The following ATP6V0A2 variants were observed in gnomAD, a reference collection of about 807,000 sequenced individuals.
ATP6V0A2 encodes V-type proton ATPase 116 kDa subunit a 2.
ATP6V0A2 carries 58 observed loss-of-function variants against 104.4 expected under a neutral mutation model. The observed-to-expected ratio is 0.56, with a 90% CI of 0.45 to 0.69. ATP6V0A2 has a LOEUF of 0.69. Ranked by LOEUF, ATP6V0A2 falls within the 30% of genes least tolerant of loss-of-function variation. The probability of loss-of-function intolerance (pLI) is 0.00; values close to 1 mark genes in which losing one functional copy is unlikely to be tolerated. For missense variants in ATP6V0A2, 938 were observed against 1,062.9 expected, an observed-to-expected ratio of 0.88 and a Z score of 1.63; for synonymous variants, 376 against 397.9, an observed-to-expected ratio of 0.95 and a Z score of 0.65.
Position 123,759,724 on chromosome 12 carries a change from G to C in ATP6V0A2, c.*1692G>C, listed in dbSNP as rs1210301176. 1.3e-5 allele frequency: 2 copies of C among 152,166 alleles called. No individual in the cohort carries two copies. The highest frequency in any genetic ancestry group is 2.9e-5 in the Non-Finnish European group (2 of 68,026). The allele number at this position is 152,166 out of a possible 1,614,324, so 9.4% of individuals were successfully genotyped here. ...GTGCTGAGTTTAACGTGGCTGTGCAGCTGATTTCAAGGCATGAGCTGAACA... is the reference window on the plus strand; with the variant it reads ...GTGCTGAGTTTAACGTGGCTGTGCACCTGATTTCAAGGCATGAGCTGAACA... On this transcript the variant is annotated 3_prime_UTR_variant, in exon 20 of 20. Transcript: ENST00000330342.
At chr12:123,737,685 GAC>G (rs1396115763) in intron 9 of ATP6V0A2, 3 of 269,076 alleles carry the variant, frequency 1.1e-5, no homozygotes, top group East Asian at 9.4e-5. Context: ...GAGTATGAAA[GAC>G]ACAGTGCAGT....
In ATP6V0A2 at chr12:123,712,546, C is replaced by T; in HGVS notation, c.-20C>T. 1 of 1,554,336 alleles carries T rather than the reference C, an allele frequency of 6.4e-7. No homozygotes were observed. The highest frequency in any genetic ancestry group is 8.7e-7 in the Non-Finnish European group (1 of 1,153,198). On this transcript the variant is annotated 5_prime_UTR_variant, in exon 1 of 20. Coordinates refer to ENST00000330342, the MANE Select transcript of ATP6V0A2 (RefSeq NM_012463.4). ...GCCGCCGCCGCCCATCGAGCCCCTC[C>T]GGGCGCGGGTCGGCCCGCCATGGGG... is the stretch of plus-strand genomic sequence containing the variant.
chr12:123,743,594 G>A (rs886358199), intron 9 of ATP6V0A2, among the ~76,000 whole-genome samples, 191 bp from the exon 10 acceptor site: 6 of 151,854 alleles, frequency 4.0e-5, no homozygotes, highest in South Asian at 2.1e-4. Context: ...CAGAGGTTGC[G>A]GTGAGCCGAG....
In ATP6V0A2 at chr12:123,726,287, T is replaced by C. The variant is rs1484407137; in HGVS notation, c.521+2T>C. ...GCAGAGGCTGGGAGCAAAACTGGGG[T>C]AGGTGACAAGGCCTGGGGTGTCAGG... On this transcript the variant is annotated splice_donor_variant, in intron 5 of 19. Transcript: ENST00000330342. LOFTEE classifies it high-confidence loss of function. The C allele has an allele frequency of 6.2e-7, 1 of 1,612,034 alleles. No homozygotes were observed. The highest frequency in any genetic ancestry group is 8.5e-7 in the Non-Finnish European group (1 of 1,178,188).
chr12:123,713,357 A>C (rs1318999480), intron 1 of ATP6V0A2, among the ~76,000 whole-genome samples: 4 of 152,048 alleles, frequency 2.6e-5, no homozygotes, highest in Non-Finnish European at 1.5e-5. Context: ...TTAAGAACTC[A>C]GTCATTGTTT....
chr12:123,743,662 A>C (rs1032419576), intron 9 of ATP6V0A2, 123 bp from the exon 10 acceptor site: 7 of 1,104,820 alleles, frequency 6.3e-6, no homozygotes, highest in Admixed American at 4.2e-5. Flanking sequence ...TCAAAAAAAA[A>C]CAAAACAAAA....
rs115568485 is a variant in ATP6V0A2 at position 123,735,429 on chromosome 12, G to A, written c.732-102G>A. The A allele has an allele frequency of 8.9e-4, 965 of 1,087,320 alleles. 7 individuals carry two copies. The African/African-American group carries it at 0.013, about 14-fold the overall frequency. The allele number at this position is 1,087,320 out of a possible 1,614,324, so 67.4% of individuals were successfully genotyped here. ...GCATCTGCACCCGTGTCTCCCAAAC[G>A]GCTGCTTTCATTCCGTTTTGCCAGA... On this transcript the variant is annotated intron_variant, in intron 7 of 19. Transcript: ENST00000330342.
chr12:123,735,463 CG>C, intron 7 of ATP6V0A2, 67 bp from the exon 8 acceptor site: 2 of 1,431,284 alleles, frequency 1.4e-6, no homozygotes, highest in South Asian at 1.2e-5. Context: ...GAAGATGTGC[CG>C]GGGAGGTGAA....
Position 123,748,793 on chromosome 12 carries a change from A to G in ATP6V0A2, c.1935+8A>G, listed in dbSNP as rs377650732. On this transcript the variant is annotated splice_region_variant and intron_variant, in intron 15 of 19. Transcript: ENST00000330342. ...GGCCTTTACACAGGGCAGGTGAGTC[A>G]TCTTCCCACCCTCATGAACTTAACG... 2.0e-5 allele frequency: 32 copies of G among 1,609,212 alleles called. No individual in the cohort carries two copies. The African/African-American group carries it at 3.6e-4, about 18-fold the overall frequency.
At chr12:123,732,559 G>T in intron 6 of ATP6V0A2, 1 of 152,166 alleles carries the variant, frequency 6.6e-6, no homozygotes, top group East Asian at 1.9e-4. Context: ...TCCTGACTGT[G>T]CTTCTGTGTG....
chr12:123,756,781 G>A (rs377601067), intron 18 of ATP6V0A2, 34 bp from the exon 19 acceptor site: 3 of 1,612,074 alleles, frequency 1.9e-6, no homozygotes, highest in East Asian at 2.2e-5. Context: ...GTACATAAGC[G>A]AGCATGACCT....
chr12:123,754,312 C>A (rs532966557), intron 17 of ATP6V0A2, 108 bp from the exon 18 acceptor site: 14 of 872,404 alleles, frequency 1.6e-5, no homozygotes, highest in Non-Finnish European at 2.5e-5. Context: ...TTACCAGCAT[C>A]CAGCCGGCAG....
chr12:123,742,135 C>A (rs1956615672), intron 9 of ATP6V0A2, among the ~76,000 whole-genome samples: 1 of 152,260 alleles, frequency 6.6e-6, no homozygotes, highest in South Asian at 2.1e-4. Flanking sequence ...CCTGCCCCAA[C>A]CCCTGCAGAC....
At chr12:123,742,411 G>A (rs1956618156) in intron 9 of ATP6V0A2, among the ~76,000 whole-genome samples, 1 of 152,176 alleles carries the variant, frequency 6.6e-6, no homozygotes, top group Non-Finnish European at 1.5e-5. Context: ...TGGTTTGGCT[G>A]TAAATGCCAT....
intron 13 of ATP6V0A2, among the ~76,000 whole-genome samples, chr12:123,746,511 G>GC (rs1277515470): frequency 6.6e-6 from 1 of 151,572 alleles, no homozygotes; most frequent in Admixed American, 6.6e-5. Flanking sequence ...GAGTGGTGGT[G>GC]CGTGCCTGTG....
Position 123,735,604 on chromosome 12 carries a change from C to A in ATP6V0A2, c.805C>A (p.Arg269Ser). 6.2e-7 allele frequency: 1 copy of A among 1,613,322 alleles called. No individual in the cohort carries two copies. Among genetic ancestry groups the A allele is most frequent in the South Asian group, 1.1e-5 (1 of 91,036 alleles). ...GGAGATCCAGGAGGGGCTGAACACC[C>A]GCATCCAGGATCTCTACACTGTGAG... ...RREIQEGLNT[R>S]IQDLYTVLHK... Residue 269 changes from arginine (R) to serine (S), a missense_variant, in exon 8 of 20, where the codon CGC becomes AGC. Arg to Ser is a moderately radical substitution (Grantham distance 110). Coordinates refer to ENST00000330342, the MANE Select transcript of ATP6V0A2 (RefSeq NM_012463.4).
chr12:123,746,274 AC>A (rs1956661225), intron 13 of ATP6V0A2, among the ~76,000 whole-genome samples: 1 of 152,136 alleles, frequency 6.6e-6, no homozygotes, highest in Non-Finnish European at 1.5e-5. Flanking sequence ...ACTAGGCATT[AC>A]ATTAATTTGG....
At chr12:123,715,520 C>G (rs1434779214) in intron 1 of ATP6V0A2, among the ~76,000 whole-genome samples, 3 of 152,180 alleles carry the variant, frequency 2.0e-5, no homozygotes, top group African/African-American at 7.2e-5. Flanking sequence ...AGTTTCATGT[C>G]AAGTTGTATC....
intron 13 of ATP6V0A2, 44 bp from the exon 14 acceptor site, chr12:123,747,563 A>AG (rs1399052301): frequency 3.2e-5 from 41 of 1,291,178 alleles, no homozygotes; most frequent in Non-Finnish European, 4.5e-5. Context: ...CACCTGTTGA[A>AG]GGAAGTTAAA....
Sources: gnomAD v4.1 joint callset for allele counts (sites outside exome capture counted in the v4.1 genomes callset) on GRCh38, gnomAD v4.1.1 for gene constraint, MANE v1.5 for transcripts, NCBI Gene and HGNC (gene_info 2026-07-23, HGNC 2026-07-21) for gene names.